AFG2A: variants seen among roughly 807,000 people sequenced by gnomAD.
The protein encoded by AFG2A is ATPase family gene 2 protein homolog A.
the AFG2A span, among the ~76,000 whole-genome samples, chr4:122,992,302 T>C: frequency 6.6e-6 from 1 of 152,358 alleles, no homozygotes; most frequent in East Asian, 1.9e-4. Flanking sequence ...ACTTTATTAT[T>C]TGGCCTAAGG....
At chr4:123,138,499 C>G in the AFG2A span, among the ~76,000 whole-genome samples, 1 of 152,062 alleles carries the variant, frequency 6.6e-6, no homozygotes, top group African/African-American at 2.4e-5. Context: ...TAAATGTATT[C>G]CAGAAACTTT....
At chr4:123,040,488 T>C in the AFG2A span, among the ~76,000 whole-genome samples, 1 of 152,234 alleles carries the variant, frequency 6.6e-6, no homozygotes, top group African/African-American at 2.4e-5. Context: ...ATGTGGCATA[T>C]ACAGCCCAAA....
the AFG2A span, among the ~76,000 whole-genome samples, chr4:122,951,935 G>C: frequency 3.3e-5 from 5 of 152,204 alleles, no homozygotes; most frequent in African/African-American, 1.2e-4. Flanking sequence ...ACAGGGCCAA[G>C]CACTGAATGG....
chr4:123,015,452 T>G, the AFG2A span, among the ~76,000 whole-genome samples: 1 of 152,210 alleles, frequency 6.6e-6, no homozygotes, highest in Non-Finnish European at 1.5e-5. Context: ...ATTATTCCAT[T>G]TAACCCTGAG....
chr4:123,107,377 C>T, the AFG2A span, among the ~76,000 whole-genome samples: 39 of 152,328 alleles, frequency 2.6e-4, no homozygotes, highest in Middle Eastern at 3.4e-3. Context: ...TCTCAGGAGA[C>T]CCAACATAGG....
the AFG2A span, among the ~76,000 whole-genome samples, chr4:123,243,775 A>G: frequency 6.7e-6 from 1 of 149,348 alleles, no homozygotes; most frequent in African/African-American, 2.5e-5. Context: ...GGTGGTTCAC[A>G]CCTGTAATCT....
At chr4:123,203,680 A>G in the AFG2A span, among the ~76,000 whole-genome samples, 2 of 152,214 alleles carry the variant, frequency 1.3e-5, no homozygotes, top group African/African-American at 2.4e-5. Flanking sequence ...CCAGTTTTGG[A>G]CTATTATGAA....
chr4:123,113,969 C>T, the AFG2A span, among the ~76,000 whole-genome samples: 1 of 151,574 alleles, frequency 6.6e-6, no homozygotes, highest in Non-Finnish European at 1.5e-5. Flanking sequence ...GACGAATGTT[C>T]AGCTCTTAGC....
the AFG2A span, among the ~76,000 whole-genome samples, chr4:123,141,625 AT>A: frequency 6.6e-6 from 1 of 152,186 alleles, no homozygotes; most frequent in Admixed American, 6.5e-5. Flanking sequence ...TATGTTAAAT[AT>A]TTTTTTGATT....
At chr4:123,114,638 G>A in the AFG2A span, among the ~76,000 whole-genome samples, 5 of 152,204 alleles carry the variant, frequency 3.3e-5, no homozygotes, top group African/African-American at 4.8e-5. Flanking sequence ...CTGGGTACTC[G>A]AGAGCACCAG....
chr4:123,102,364 G>C, the AFG2A span: 1 of 149,736 alleles, frequency 6.7e-6, no homozygotes, highest in South Asian at 2.1e-4. Flanking sequence ...TAAAAACCTT[G>C]CTTGACAGTT....
chr4:123,132,597 C>CATATATATATATATATATATAT, the AFG2A span, among the ~76,000 whole-genome samples: 111 of 140,376 alleles, frequency 7.9e-4, no homozygotes, highest in African/African-American at 2.7e-3. Flanking sequence ...GATGTGTGTA[C>CATATATATATATATATATATAT]ATATATATAT....
At chr4:123,124,577 T>C in the AFG2A span, among the ~76,000 whole-genome samples, 1 of 152,144 alleles carries the variant, frequency 6.6e-6, no homozygotes. Context: ...ACATGGCACA[T>C]GTATACATGT....
At chr4:123,175,069 A>C in the AFG2A span, among the ~76,000 whole-genome samples, 1,117 of 152,174 alleles carry the variant, frequency 7.3e-3, 5 homozygotes, top group Middle Eastern at 0.041. Flanking sequence ...GCAAGCCATC[A>C]TGCCCAGCCT....
the AFG2A span, among the ~76,000 whole-genome samples, chr4:123,001,456 C>T: frequency 6.6e-6 from 1 of 151,266 alleles, no homozygotes; most frequent in African/African-American, 2.4e-5. Context: ...TATAAATTTC[C>T]CTCTACACAC....
the AFG2A span, among the ~76,000 whole-genome samples, chr4:123,254,839 T>A: frequency 6.6e-6 from 1 of 152,320 alleles, no homozygotes; most frequent in East Asian, 1.9e-4. Flanking sequence ...TAGTAAAATA[T>A]TAAGAAGGCT....
At chr4:123,267,667 A>C in the AFG2A span, among the ~76,000 whole-genome samples, 1 of 152,072 alleles carries the variant, frequency 6.6e-6, no homozygotes, top group Non-Finnish European at 1.5e-5. Flanking sequence ...GCCTAGGGTA[A>C]ATTTCTTGCC....
At chr4:123,271,471 T>A in the AFG2A span, among the ~76,000 whole-genome samples, 4 of 152,166 alleles carry the variant, frequency 2.6e-5, no homozygotes, top group African/African-American at 9.7e-5. Flanking sequence ...GCCAGCAGGG[T>A]GATAGCTGCC....
the AFG2A span, among the ~76,000 whole-genome samples, chr4:123,075,168 A>T: frequency 6.6e-6 from 1 of 151,460 alleles, no homozygotes; most frequent in Non-Finnish European, 1.5e-5. Flanking sequence ...CTGGTCTCGA[A>T]CTCCTGACTT....
Sources: gnomAD v4.1 joint callset for allele counts (sites outside exome capture counted in the v4.1 genomes callset) on GRCh38, gnomAD v4.1.1 for gene constraint, MANE v1.5 for transcripts, NCBI Gene and HGNC (gene_info 2026-07-23, HGNC 2026-07-21) for gene names.